GAS7: variants seen among roughly 807,000 people sequenced by gnomAD.
GAS7 encodes the protein growth arrest-specific protein 7.
GAS7 carries 28 observed loss-of-function variants against 71.1 expected under a neutral mutation model. That is an observed-to-expected ratio of 0.39 (90% CI 0.29 to 0.54). GAS7 has a LOEUF of 0.54. Among genes scored for constraint, GAS7 ranks in the 20% least tolerant of loss-of-function variants. The pLI, the probability that GAS7 is intolerant of heterozygous loss-of-function variation, is 0.62. For synonymous variants in GAS7, 258 were observed against 245.8 expected, an observed-to-expected ratio of 1.05 and a Z score of -0.46; for missense variants, 436 against 627.8, an observed-to-expected ratio of 0.69 and a Z score of 3.27.
Position 9,918,101 on chromosome 17 carries a change from T to A in GAS7, c.1219-2A>T. On this transcript the variant is annotated splice_acceptor_variant, in intron 12 of 13. Transcript: ENST00000432992. LOFTEE classifies it high-confidence loss of function. ...CTCCACCTCCAGCCGCTCTAGCTCC[T>A]GCCGAGAAAGCAAAGGCCAGAGAAC... is the stretch of plus-strand genomic sequence containing the variant. 1 of 1,611,790 alleles carries A rather than the reference T, an allele frequency of 6.2e-7. No homozygotes were observed. Among genetic ancestry groups the A allele is most frequent in the Non-Finnish European group, 8.5e-7 (1 of 1,178,238 alleles).
intron 1 of GAS7, among the ~76,000 whole-genome samples, chr17:10,197,901 G>T (rs2074552197): frequency 6.6e-6 from 1 of 152,168 alleles, no homozygotes; most frequent in Non-Finnish European, 1.5e-5. Flanking sequence ...TGCCGGGAAC[G>T]CTCCCGCCTG....
At chr17:9,944,230 AGG>A (rs2068710097) in intron 6 of GAS7, among the ~76,000 whole-genome samples, 1 of 152,208 alleles carries the variant, frequency 6.6e-6, no homozygotes, top group Non-Finnish European at 1.5e-5. Flanking sequence ...ACCAGCTCCC[AGG>A]GCCATCCCAG....
chr17:9,944,540 T>A (rs1450993209), intron 6 of GAS7, among the ~76,000 whole-genome samples: 1 of 151,366 alleles, frequency 6.6e-6, no homozygotes, highest in Non-Finnish European at 1.5e-5. Context: ...AGAAAAGGGG[T>A]TGCTGATGCC....
intron 6 of GAS7, among the ~76,000 whole-genome samples, chr17:9,944,771 C>T (rs555397999): frequency 6.6e-6 from 1 of 152,188 alleles, no homozygotes; most frequent in Non-Finnish European, 1.5e-5. Context: ...CTGTGCTTCA[C>T]TCTACGAATG....
intron 1 of GAS7, among the ~76,000 whole-genome samples, chr17:10,072,859 G>T (rs995687624): frequency 6.6e-6 from 1 of 151,792 alleles, no homozygotes. Context: ...ATTTCCCACT[G>T]GTTTTGTGCC....
chr17:9,985,490 A>T (rs537122002), intron 2 of GAS7, among the ~76,000 whole-genome samples: 2 of 152,250 alleles, frequency 1.3e-5, no homozygotes, highest in South Asian at 4.1e-4. Context: ...CCTGGATATC[A>T]CAACCTTGTT....
Position 10,198,316 on chromosome 17 carries a change from C to G in GAS7, c.75G>C (p.Ala25=). Residue 25 remains alanine (A), a synonymous_variant, in exon 1 of 14, where the codon GCG becomes GCC. Transcript: ENST00000432992. ...ERHGQGLRFA[A]GELITLLQVP... ...CCTGCAGCAGCGTGATCAGCTCGCC[C>G]GCGGCGAAGCGCAGCCCCTGGCCGT... The G allele has an allele frequency of 6.2e-7, 1 of 1,602,010 alleles. No homozygotes were observed. Among genetic ancestry groups the G allele is most frequent in the Non-Finnish European group, 8.5e-7 (1 of 1,179,298 alleles).
intron 1 of GAS7, among the ~76,000 whole-genome samples, chr17:10,053,158 A>T (rs1377218233): frequency 6.6e-6 from 1 of 152,008 alleles, no homozygotes; most frequent in Non-Finnish European, 1.5e-5. Context: ...TATCTATTTT[A>T]CCCTAGGAGG....
At chr17:10,046,190 C>T (rs1487135031) in intron 1 of GAS7, among the ~76,000 whole-genome samples, 2 of 151,994 alleles carry the variant, frequency 1.3e-5, no homozygotes, top group African/African-American at 2.4e-5. Context: ...GTCCCCACAA[C>T]GACAGGAACA....
Position 9,981,112 on chromosome 17 carries a change from C to T in GAS7, c.385+692G>A, listed in dbSNP as rs4791924. 0.085 allele frequency among the ~76,000 whole-genome samples: 12,857 copies of T among 151,996 alleles called. 1,760 individuals carry two copies. The highest frequency in any genetic ancestry group is 0.29 in the African/African-American group (11,999 of 41,390). On this transcript the variant is annotated intron_variant, in intron 3 of 13. Coordinates refer to ENST00000432992, the MANE Select transcript of GAS7 (RefSeq NM_201433.2). This position sits in a 1 kb window ranked among gnomAD's most constrained non-coding sequence, Gnocchi z 4.4. ...CTCAAGACCAGCCTGGCCAACATGG[C>T]GAAATCCCGTCTCTACTAAAAATAC... is the stretch of plus-strand genomic sequence containing the variant.
At chr17:10,180,369 A>G (rs1597838809) in intron 1 of GAS7, among the ~76,000 whole-genome samples, 1 of 151,586 alleles carries the variant, frequency 6.6e-6, no homozygotes, top group East Asian at 1.9e-4. Flanking sequence ...CTGAGGTAGA[A>G]GTTAAGGTAA....
chr17:10,033,249 TC>T (rs762998116), intron 1 of GAS7, among the ~76,000 whole-genome samples: 2 of 152,064 alleles, frequency 1.3e-5, no homozygotes, highest in Non-Finnish European at 2.9e-5. Context: ...TGAGGGCCCC[TC>T]TAAAGGATTG....
chr17:9,999,681 T>G (rs2071189224), intron 2 of GAS7, among the ~76,000 whole-genome samples: 1 of 152,214 alleles, frequency 6.6e-6, no homozygotes, highest in Non-Finnish European at 1.5e-5. Flanking sequence ...AGGAAGAGGA[T>G]GGCCATTTAG....
intron 1 of GAS7, among the ~76,000 whole-genome samples, chr17:10,090,114 A>G (rs940368404): frequency 6.6e-6 from 1 of 152,000 alleles, no homozygotes; most frequent in Admixed American, 6.6e-5. Flanking sequence ...GGTTGCAGTG[A>G]GCCGAGATCG....
intron 1 of GAS7, among the ~76,000 whole-genome samples, chr17:10,187,349 C>T (rs2074463288): frequency 6.6e-6 from 1 of 152,160 alleles, no homozygotes; most frequent in Non-Finnish European, 1.5e-5. Flanking sequence ...GCTGTGGTGG[C>T]ATAAAGTAAC....
At chr17:10,053,524 G>A (rs540555755) in intron 1 of GAS7, among the ~76,000 whole-genome samples, 127 of 152,272 alleles carry the variant, frequency 8.3e-4, no homozygotes, top group African/African-American at 3.0e-3. Context: ...AGAAGCCCTT[G>A]TTTGTAGGGT....
At chr17:10,104,150 C>G (rs1430167214) in intron 1 of GAS7, among the ~76,000 whole-genome samples, 2 of 152,078 alleles carry the variant, frequency 1.3e-5, no homozygotes, top group African/African-American at 4.8e-5. Context: ...GAATCTTTTA[C>G]CTCTAATTCC....
chr17:10,110,095 C>T (rs962416603), intron 1 of GAS7, among the ~76,000 whole-genome samples: 14 of 149,734 alleles, frequency 9.3e-5, no homozygotes, highest in Admixed American at 5.3e-4. Context: ...GATACCTGTA[C>T]TCACACGTTT....
chr17:9,980,907 C>T (rs574068166), intron 3 of GAS7, among the ~76,000 whole-genome samples: 84 of 152,240 alleles, frequency 5.5e-4, no homozygotes, highest in African/African-American at 1.9e-3. Context: ...TGTTGTTCTC[C>T]CTGCTGATGG....
Sources: allele counts gnomAD v4.1 joint callset (sites outside exome capture counted in the v4.1 genomes callset), GRCh38; gene constraint gnomAD v4.1.1; non-coding constraint Gnocchi (gnomAD v3.1); transcripts MANE v1.5; gene names NCBI Gene and HGNC (gene_info 2026-07-23, HGNC 2026-07-21).